The following WDR3 variants were observed in gnomAD, a reference collection of about 807,000 sequenced individuals.
The protein encoded by WDR3 is WD repeat-containing protein 3.
Under a neutral mutation model 123.7 loss-of-function variants are expected in WDR3, and 81 were observed. The ratio of observed to expected loss-of-function variants is 0.65; its 90% CI spans 0.55 to 0.79. WDR3 has a LOEUF of 0.79. Ranked by LOEUF, WDR3 falls within the 30% of genes least tolerant of loss-of-function variation. The probability of loss-of-function intolerance (pLI) is 0.00; values close to 1 mark genes in which losing one functional copy is unlikely to be tolerated. For missense variants in WDR3, 1,027 were observed against 1,123.2 expected, an observed-to-expected ratio of 0.91 and a Z score of 1.22; for synonymous variants, 390 against 388.8, an observed-to-expected ratio of 1.00 and a Z score of -0.04.
chr1:117,959,993 A>G lies in WDR3; in HGVS notation c.*546A>G, dbSNP rs1225267289. On this transcript the variant is annotated 3_prime_UTR_variant, in exon 27 of 27. Coordinates refer to ENST00000349139, the MANE Select transcript of WDR3 (RefSeq NM_006784.3). ...TTAACCTTCTGCAAGTTATGTCTGT[A>G]TATAAGAAGATTCTAATTGCTAACT... 1 of 152,240 alleles carries G rather than the reference A, an allele frequency of 6.6e-6. No individual in the cohort carries two copies. The allele number at this position is 152,240 out of a possible 1,614,324, so 9.4% of individuals were successfully genotyped here. A position where few individuals can be genotyped will look rare whatever the true frequency, so the allele number is the denominator to read the frequency against.
At position 117,946,124 on chromosome 1, in the gene WDR3, A is replaced by G; in HGVS notation, c.1367A>G (p.Tyr456Cys). The G allele has an allele frequency of 6.2e-7, 1 of 1,613,308 alleles. No homozygotes were observed. Among genetic ancestry groups the G allele is most frequent in the Non-Finnish European group, 8.5e-7 (1 of 1,179,490 alleles). ...TGTATTCGCACAATGACCTGTGAAT[A>G]TGCACTTTGCTCATTCTTTGTACCT... ...LQCIRTMTCE[Y>C]ALCSFFVPGD... The change falls in exon 12 of 27, where the codon TAT becomes TGT. Residue 456 changes from tyrosine to cysteine, a missense_variant. Coordinates refer to ENST00000349139, the MANE Select transcript of WDR3 (RefSeq NM_006784.3).
At position 117,966,239 on chromosome 1, in the gene WDR3, A is replaced by C; in HGVS notation, c.*6792A>C. 2.5e-5 allele frequency: 4 copies of C among 161,312 alleles called. No individual in the cohort carries two copies. The highest frequency in any genetic ancestry group is 1.8e-4 in the East Asian group (1 of 5,562). 10.0% of individuals were successfully genotyped at this position (161,312 alleles called of 1,614,324 possible). A position where few individuals can be genotyped will look rare whatever the true frequency, so the allele number is the denominator to read the frequency against. ...TGGCTGAAGACACTGATAAGGAGGA[A>C]TGCATGCATAATTCAGTGAATACCC... On this transcript the variant is annotated 3_prime_UTR_variant, in exon 27 of 27. Transcript: ENST00000349139.
Position 117,941,815 on chromosome 1 carries a change from T to G in WDR3, c.957T>G (p.Asp319Glu), listed in dbSNP as rs766339416. ...AAAAGGAAATTCAGAAGAAAATGGA[T>G]AAGAAGATGAAGAAAGCTAGAAAGA... is the stretch of plus-strand genomic sequence containing the variant. ...LSKKEIQKKM[D>E]KKMKKARKKA... The change falls in exon 9 of 27, where the codon GAT becomes GAG. Residue 319 changes from aspartate (D) to glutamate (E), a missense_variant. Coordinates refer to ENST00000349139, the MANE Select transcript of WDR3 (RefSeq NM_006784.3). 2 of 1,609,884 alleles carry G rather than the reference T, an allele frequency of 1.2e-6. No individual in the cohort carries two copies. The highest frequency in any genetic ancestry group is 1.3e-5 in the African/African-American group (1 of 74,620).
chr1:117,945,810 G>T (rs187803749), intron 11 of WDR3, among the ~76,000 whole-genome samples: 1 of 152,138 alleles, frequency 6.6e-6, no homozygotes, highest in Non-Finnish European at 1.5e-5. Context: ...TCTTGGTAAT[G>T]GCAGATTGGG....
chr1:117,954,161 T>C, intron 22 of WDR3, 62 bp downstream of exon 22: 1 of 1,415,292 alleles, frequency 7.1e-7, no homozygotes, highest in Non-Finnish European at 9.8e-7. Context: ...AGAAAAACCA[T>C]TGTTTTGGGA....
chr1:117,932,880 A>G (rs575267214), intron 1 of WDR3, among the ~76,000 whole-genome samples: 15 of 152,250 alleles, frequency 9.9e-5, no homozygotes, highest in Non-Finnish European at 7.4e-5. Context: ...CACAAGTTAC[A>G]TGCTTTTAAT....
At chr1:117,937,153 A>G (rs1434039458) in intron 4 of WDR3, among the ~76,000 whole-genome samples, 2 of 152,126 alleles carry the variant, frequency 1.3e-5, no homozygotes, top group South Asian at 2.1e-4. Flanking sequence ...GAAACTCATT[A>G]TAGAATGAGC....
chr1:117,931,468 C>A (rs1650732573), intron 1 of WDR3, among the ~76,000 whole-genome samples: 1 of 152,040 alleles, frequency 6.6e-6, no homozygotes, highest in African/African-American at 2.4e-5. Context: ...GTCTTAGTGT[C>A]AGAAGAAAAG....
At position 117,963,873 on chromosome 1, in the gene WDR3, T is replaced by C. The variant is rs1362278143; in HGVS notation, c.*4426T>C. Reference sequence around the variant, plus strand: ...TAAATTGTAGAAGTTCTCTGGACCATTGGATTTTCTTTTCCCTGGGGAAAG... The same window carrying C: ...TAAATTGTAGAAGTTCTCTGGACCACTGGATTTTCTTTTCCCTGGGGAAAG... On this transcript the variant is annotated 3_prime_UTR_variant, in exon 27 of 27. Transcript: ENST00000349139. The C allele has an allele frequency of 5.6e-6, 9 of 1,613,928 alleles. No homozygotes were observed. Among genetic ancestry groups the C allele is most frequent in the South Asian group, 5.5e-5 (5 of 91,062 alleles).
rs371159070 is a variant in WDR3 at position 117,951,549 on chromosome 1, G to A, written c.1804-427G>A. Among the ~76,000 whole-genome samples, 39 of 147,150 alleles carry A rather than the reference G, an allele frequency of 2.7e-4. No homozygotes were observed. The South Asian group carries it at 6.4e-3, about 24-fold the overall frequency. ...TTATGTTGACAACCATTTGGACCAC[G>A]CATTGAAATAGGAGAGATAAGAGAA... is the stretch of plus-strand genomic sequence containing the variant. On this transcript the variant is annotated intron_variant, in intron 16 of 26. Transcript: ENST00000349139.
Position 117,964,663 on chromosome 1 carries a change from T to C in WDR3, c.*5216T>C, listed in dbSNP as rs993746284. ...GCTCCATTGTACTTACTGCCATCAT[T>C]GTTTATGGTTTACTTACTTTATGTA... On this transcript the variant is annotated 3_prime_UTR_variant, in exon 27 of 27. Coordinates refer to ENST00000349139, the MANE Select transcript of WDR3 (RefSeq NM_006784.3). 2 of 152,182 alleles carry C rather than the reference T, an allele frequency of 1.3e-5. No individual in the cohort carries two copies. Among genetic ancestry groups the C allele is most frequent in the Non-Finnish European group, 2.9e-5 (2 of 68,032 alleles). 9.4% of individuals were successfully genotyped at this position (152,182 alleles called of 1,614,324 possible).
At chr1:117,938,817 C>T (rs1471769201) in intron 5 of WDR3, among the ~76,000 whole-genome samples, 1 of 152,068 alleles carries the variant, frequency 6.6e-6, no homozygotes, top group Non-Finnish European at 1.5e-5. Flanking sequence ...AATAAGTGTC[C>T]ACTTTTATGA....
chr1:117,954,440 A>T, intron 22 of WDR3, 140 bp from the exon 23 acceptor site: 1 of 770,810 alleles, frequency 1.3e-6, no homozygotes, highest in Admixed American at 2.9e-5. Flanking sequence ...AGGTTTGATA[A>T]TTCTTTTACA....
chr1:117,953,115 A>T lies in WDR3; in HGVS notation c.2202+119A>T, dbSNP rs1651709215. 4 of 1,167,722 alleles carry T rather than the reference A, an allele frequency of 3.4e-6. No homozygotes were observed. The African/African-American group carries it at 6.2e-5, about 18-fold the overall frequency. The allele number at this position is 1,167,722 out of a possible 1,614,324, so 72.3% of individuals were successfully genotyped here. On this transcript the variant is annotated intron_variant, in intron 20 of 26. Coordinates refer to ENST00000349139, the MANE Select transcript of WDR3 (RefSeq NM_006784.3). ...ATTGAGGCTAGAAGTTGCAGGTATC[A>T]CCAGCTGATAAAGAATCTGTGTAAT...
chr1:117,948,996 C>A (rs1045871122), intron 13 of WDR3, among the ~76,000 whole-genome samples: 1 of 151,320 alleles, frequency 6.6e-6, no homozygotes, highest in African/African-American at 2.4e-5. Context: ...TTTTTTTTGA[C>A]AACACCTTAA....
intron 1 of WDR3, 28 bp from the exon 2 acceptor site, chr1:117,933,260 G>A (rs1650798479): frequency 6.3e-7 from 1 of 1,586,352 alleles, no homozygotes; most frequent in Non-Finnish European, 8.6e-7. Context: ...CACCCAAGGA[G>A]CTGAGTTTTC....
At position 117,940,867 on chromosome 1, in the gene WDR3, G is replaced by A. The variant is rs1651123526; in HGVS notation, c.716G>A (p.Gly239Glu). ...PEEPDPKKIK[G>E]SSPGIQDTLE... ...GAACCAGACCCCAAGAAAATCAAAG[G>A]ATCTTCTCCTGGAATACAAGATACT... The change falls in exon 7 of 27, where the codon GGA becomes GAA. Residue 239 changes from glycine (G) to glutamate (E), a missense_variant. Coordinates refer to ENST00000349139, the MANE Select transcript of WDR3 (RefSeq NM_006784.3). 1 of 1,613,736 alleles carries A rather than the reference G, an allele frequency of 6.2e-7. No individual in the cohort carries two copies. Among genetic ancestry groups the A allele is most frequent in the Non-Finnish European group, 8.5e-7 (1 of 1,179,968 alleles).
At chr1:117,932,358 T>C (rs746565230) in intron 1 of WDR3, among the ~76,000 whole-genome samples, 5 of 152,206 alleles carry the variant, frequency 3.3e-5, no homozygotes, top group Non-Finnish European at 7.3e-5. Context: ...GCAGCATCAC[T>C]TGGAAACTTG....
intron 12 of WDR3, 56 bp from the exon 13 acceptor site, chr1:117,948,349 A>T: frequency 6.7e-7 from 1 of 1,493,120 alleles, no homozygotes; most frequent in African/African-American, 1.4e-5. Flanking sequence ...GCAGTCATGA[A>T]TCATGGAGGT....
Sources: allele counts gnomAD v4.1 joint callset (sites outside exome capture counted in the v4.1 genomes callset), GRCh38; gene constraint gnomAD v4.1.1; transcripts MANE v1.5; gene names NCBI Gene and HGNC (gene_info 2026-07-23, HGNC 2026-07-21).